PTPRD: variants seen among roughly 807,000 people sequenced by gnomAD.
PTPRD encodes the protein protein tyrosine phosphatase receptor type D.
A neutral mutation model predicts 214.5 loss-of-function variants in PTPRD; 34 were observed. That is an observed-to-expected ratio of 0.16 (90% CI 0.12 to 0.21). The LOEUF is 0.21. Ranked by LOEUF, PTPRD falls within the 10% of genes least tolerant of loss-of-function variation. The pLI is 1.00. For missense variants in PTPRD, 2,545 were observed against 2,398.7 expected (o/e 1.06, Z -1.27); for synonymous variants, 1,128 against 845.7 (o/e 1.33, Z -5.79).
chr9:9,495,828 C>T (rs907386306), intron 8 of PTPRD, among the ~76,000 whole-genome samples: 5 of 152,298 alleles, frequency 3.3e-5, no homozygotes, highest in African/African-American at 9.6e-5. Context: ...AGAGGGCAGC[C>T]ACCCCACGTG....
At chr9:9,242,202 GC>G (rs2099970697) in intron 9 of PTPRD, among the ~76,000 whole-genome samples, 1 of 152,164 alleles carries the variant, frequency 6.6e-6, no homozygotes. Context: ...TAGAGTTTCT[GC>G]CGAGAAATCA....
chr9:9,304,891 G>A (rs1266101572), intron 9 of PTPRD, among the ~76,000 whole-genome samples: 2 of 149,238 alleles, frequency 1.3e-5, no homozygotes, highest in Admixed American at 6.8e-5. Flanking sequence ...CTCCATGAAA[G>A]GATAGGGGAG....
At chr9:9,159,040 A>G (rs1293758805) in intron 10 of PTPRD, among the ~76,000 whole-genome samples, 1 of 152,238 alleles carries the variant, frequency 6.6e-6, no homozygotes, top group Non-Finnish European at 1.5e-5. Flanking sequence ...TAGACAAAGT[A>G]TAGAAGGAAT....
chr9:9,947,500 TTTTATATATATAATATA>T (rs2092855778), intron 4 of PTPRD, among the ~76,000 whole-genome samples: 1 of 33,434 alleles, frequency 3.0e-5, no homozygotes, highest in African/African-American at 1.2e-4. Context: ...ATTATATATA[TTTTATATATATAATATA>T]TATATTATAT....
intron 8 of PTPRD, among the ~76,000 whole-genome samples, chr9:9,527,880 A>C (rs924680957): frequency 1.3e-5 from 2 of 152,216 alleles, no homozygotes; most frequent in Non-Finnish European, 2.9e-5. Flanking sequence ...TTCTGGCTAG[A>C]ATGTAATAAC....
intron 11 of PTPRD, among the ~76,000 whole-genome samples, chr9:8,901,208 G>C (rs1566911922): frequency 1.3e-5 from 2 of 152,112 alleles, no homozygotes; most frequent in Admixed American, 6.6e-5. Flanking sequence ...TGTATACCAC[G>C]ACACAAATCT....
chr9:8,710,487 G>A (rs1365083949), intron 12 of PTPRD, among the ~76,000 whole-genome samples: 3 of 152,052 alleles, frequency 2.0e-5, no homozygotes, highest in African/African-American at 7.2e-5. Context: ...ATGGTGGCAG[G>A]CGCCTATACT....
chr9:9,631,526 CT>C (rs2095595023), intron 7 of PTPRD, among the ~76,000 whole-genome samples: 1 of 151,752 alleles, frequency 6.6e-6, no homozygotes, highest in Non-Finnish European at 1.5e-5. Flanking sequence ...GCCTTTTTTT[CT>C]TGTTTTCTAA....
intron 39 of PTPRD, among the ~76,000 whole-genome samples, chr9:8,365,617 A>C (rs572304819): frequency 6.6e-6 from 1 of 152,250 alleles, no homozygotes; most frequent in Non-Finnish European, 1.5e-5. Flanking sequence ...TGGCACTCAG[A>C]GGTAGAATAA....
At chr9:8,939,576 A>AACAC (rs5896283) in intron 11 of PTPRD, among the ~76,000 whole-genome samples, 56 of 150,432 alleles carry the variant, frequency 3.7e-4, no homozygotes, top group East Asian at 7.8e-4. Context: ...ATATATACAT[A>AACAC]ACACACACAC....
chr9:8,495,597 A>G (rs2097247271), intron 26 of PTPRD, among the ~76,000 whole-genome samples: 1 of 152,218 alleles, frequency 6.6e-6, no homozygotes, highest in Non-Finnish European at 1.5e-5. Context: ...CAAACAGAAA[A>G]TGAAGTGGAA....
chr9:10,607,981 G>A (rs963848735), intron 2 of PTPRD, among the ~76,000 whole-genome samples: 1 of 151,930 alleles, frequency 6.6e-6, no homozygotes, highest in Non-Finnish European at 1.5e-5. Context: ...GAACAAGGAT[G>A]GAAAACCTCT....
intron 3 of PTPRD, among the ~76,000 whole-genome samples, chr9:10,177,159 T>C (rs986142308): frequency 6.6e-6 from 1 of 151,944 alleles, no homozygotes; most frequent in Non-Finnish European, 1.5e-5. Flanking sequence ...AGGGGTAGTA[T>C]ACTTGGTTTC....
At chr9:8,349,309 T>TC (rs1183335371) in intron 39 of PTPRD, among the ~76,000 whole-genome samples, 6 of 152,184 alleles carry the variant, frequency 3.9e-5, no homozygotes, top group Non-Finnish European at 7.4e-5. Flanking sequence ...TTTAAAAGTA[T>TC]CCCAGCCTAC....
chr9:8,725,808 G>A (rs973431748), intron 12 of PTPRD, among the ~76,000 whole-genome samples: 9 of 152,218 alleles, frequency 5.9e-5, no homozygotes, highest in African/African-American at 2.2e-4. Context: ...AGCAGAAGCA[G>A]GACTTGAACA....
chr9:9,149,385 A>G (rs2099874109), intron 10 of PTPRD, among the ~76,000 whole-genome samples: 1 of 152,236 alleles, frequency 6.6e-6, no homozygotes, highest in Non-Finnish European at 1.5e-5. Context: ...AGATATGCAG[A>G]GAAAGATGAT....
chr9:9,044,976 T>A (rs2099667579), intron 10 of PTPRD, among the ~76,000 whole-genome samples: 1 of 152,174 alleles, frequency 6.6e-6, no homozygotes, highest in African/African-American at 2.4e-5. Flanking sequence ...AGAATCAAGA[T>A]AATCAACAGA....
intron 11 of PTPRD, among the ~76,000 whole-genome samples, chr9:8,882,199 T>C (rs1253090054): frequency 6.6e-6 from 1 of 152,222 alleles, no homozygotes; most frequent in Non-Finnish European, 1.5e-5. Context: ...ACTCATTGAC[T>C]AAAAACAGAG....
At chr9:9,908,717 GTTGC>G (rs1208576634) in intron 5 of PTPRD, among the ~76,000 whole-genome samples, 1 of 151,844 alleles carries the variant, frequency 6.6e-6, no homozygotes, top group African/African-American at 2.4e-5. Context: ...TTCTGTGCTG[GTTGC>G]TTAATATATC....
Sources: gnomAD v4.1 joint callset for allele counts (sites outside exome capture counted in the v4.1 genomes callset) on GRCh38, gnomAD v4.1.1 for gene constraint, MANE v1.5 for transcripts, NCBI Gene and HGNC (gene_info 2026-07-23, HGNC 2026-07-21) for gene names.